The following LCLAT1 variants were observed in gnomAD, a reference collection of about 807,000 sequenced individuals.
The protein encoded by LCLAT1 is lysocardiolipin acyltransferase 1, also known as 1-AGP acyltransferase 8.
A neutral mutation model predicts 30.7 loss-of-function variants in LCLAT1; 11 were observed. The observed-to-expected ratio is 0.36, with a 90% CI of 0.23 to 0.59. LCLAT1 has a LOEUF of 0.59. Among genes scored for constraint, LCLAT1 ranks in the 20% least tolerant of loss-of-function variants. LCLAT1 has a pLI of 0.77. For synonymous variants in LCLAT1, 155 were observed against 151.3 expected (o/e 1.02, Z -0.18); for missense variants, 402 against 458.6 (o/e 0.88, Z 1.13).
chr2:30,588,801 T>G (rs1165640805), intron 5 of LCLAT1, among the ~76,000 whole-genome samples: 1 of 152,142 alleles, frequency 6.6e-6, no homozygotes, highest in Non-Finnish European at 1.5e-5. Flanking sequence ...GGTTTCTTCA[T>G]GCTGGTCAGG....
chr2:30,524,507 T>C lies in LCLAT1; in HGVS notation c.-4-1080T>C, dbSNP rs80112125. ...ACAGTCAACTGTGGTTTGAATGTTA[T>C]ATGGAAAATTCCAGAAATAAACAAC... On this transcript the variant is annotated intron_variant, in intron 1 of 5. Coordinates refer to ENST00000379509, the MANE Select transcript of LCLAT1 (RefSeq NM_001002257.3). 7.8e-3 allele frequency among the ~76,000 whole-genome samples: 1,191 copies of C among 152,352 alleles called. 13 individuals are homozygous for C. The highest frequency in any genetic ancestry group is 0.026 in the African/African-American group (1,095 of 41,578).
At chr2:30,584,982 C>G (rs1428438362) in intron 5 of LCLAT1, among the ~76,000 whole-genome samples, 1 of 147,950 alleles carries the variant, frequency 6.8e-6, no homozygotes, top group Non-Finnish European at 1.5e-5. Context: ...CTAGGCTTAC[C>G]TAAAGGACAT....
intron 5 of LCLAT1, among the ~76,000 whole-genome samples, chr2:30,595,429 C>T (rs1233692782): frequency 6.6e-6 from 1 of 152,110 alleles, no homozygotes; most frequent in African/African-American, 2.4e-5. Context: ...ATGCCTCCAC[C>T]ATATTCCTAT....
At chr2:30,594,780 T>C (rs1465426805) in intron 5 of LCLAT1, among the ~76,000 whole-genome samples, 1 of 152,212 alleles carries the variant, frequency 6.6e-6, no homozygotes, top group African/African-American at 2.4e-5. Context: ...AATACTTCTC[T>C]AGGAAACAAC....
chr2:30,500,675 GT>G (rs1419786427), intron 1 of LCLAT1, among the ~76,000 whole-genome samples: 1 of 152,164 alleles, frequency 6.6e-6, no homozygotes, highest in Non-Finnish European at 1.5e-5. Context: ...CCTTTGCTAT[GT>G]GAAGAACCGA....
intron 1 of LCLAT1, among the ~76,000 whole-genome samples, chr2:30,513,027 T>G (rs886366161): frequency 6.6e-6 from 1 of 152,170 alleles, no homozygotes; most frequent in Admixed American, 6.5e-5. Flanking sequence ...TGGTACTTAA[T>G]TTACAGTCTT....
intron 5 of LCLAT1, among the ~76,000 whole-genome samples, chr2:30,622,766 A>C (rs1166082298): frequency 3.9e-5 from 6 of 152,264 alleles, no homozygotes; most frequent in Non-Finnish European, 8.8e-5. Flanking sequence ...AGAGCACCAC[A>C]TCAAGGGAGC....
chr2:30,469,257 A>ATT (rs145122614), intron 1 of LCLAT1, among the ~76,000 whole-genome samples: 1 of 148,016 alleles, frequency 6.8e-6, no homozygotes, highest in Non-Finnish European at 1.5e-5. Context: ...AGTCCAGTTG[A>ATT]TTTTTTTTTT....
chr2:30,568,808 A>G (rs1344358713), intron 5 of LCLAT1, among the ~76,000 whole-genome samples: 1 of 139,660 alleles, frequency 7.2e-6, no homozygotes, highest in Non-Finnish European at 1.5e-5. Flanking sequence ...CGCCCGGCCA[A>G]AAATGTCTTA....
intron 1 of LCLAT1, chr2:30,476,549 A>T (rs1210098113): frequency 6.6e-6 from 3 of 455,458 alleles, no homozygotes; most frequent in African/African-American, 4.0e-5. Flanking sequence ...ATGCCTGATG[A>T]TCTGTCACTG....
intron 5 of LCLAT1, among the ~76,000 whole-genome samples, chr2:30,610,163 T>G (rs186850225): frequency 6.6e-6 from 1 of 152,228 alleles, no homozygotes; most frequent in Admixed American, 6.5e-5. Context: ...GTTTACTAAT[T>G]TTTTCGTTCC....
At chr2:30,543,298 C>T (rs1664242664) in intron 3 of LCLAT1, among the ~76,000 whole-genome samples, 1 of 152,098 alleles carries the variant, frequency 6.6e-6, no homozygotes, top group Non-Finnish European at 1.5e-5. Flanking sequence ...ACTAACCTTA[C>T]ATTTCTAGGA....
chr2:30,576,929 T>A (rs1299023516), intron 5 of LCLAT1, among the ~76,000 whole-genome samples: 3 of 151,912 alleles, frequency 2.0e-5, no homozygotes, highest in Non-Finnish European at 2.9e-5. Context: ...GGAGTATATG[T>A]GTGTACACAT....
intron 5 of LCLAT1, among the ~76,000 whole-genome samples, chr2:30,615,718 A>T (rs1667964507): frequency 6.6e-6 from 1 of 152,220 alleles, no homozygotes; most frequent in Non-Finnish European, 1.5e-5. Context: ...AGTGAAAGGA[A>T]ATAAAGCCTT....
At chr2:30,580,762 G>C (rs1666179078) in intron 5 of LCLAT1, among the ~76,000 whole-genome samples, 1 of 152,146 alleles carries the variant, frequency 6.6e-6, no homozygotes, top group Non-Finnish European at 1.5e-5. Flanking sequence ...TGTAAGGCAG[G>C]AGGCAAGGTT....
intron 1 of LCLAT1, among the ~76,000 whole-genome samples, chr2:30,516,625 T>A (rs1432925661): frequency 6.6e-6 from 1 of 152,078 alleles, no homozygotes; most frequent in Middle Eastern, 3.2e-3. Context: ...GAACCCCAGG[T>A]CAGAGAGCAA....
At chr2:30,631,934 T>G (rs1270500396) in intron 5 of LCLAT1, among the ~76,000 whole-genome samples, 1 of 152,210 alleles carries the variant, frequency 6.6e-6, no homozygotes, top group Non-Finnish European at 1.5e-5. Flanking sequence ...GATCTATTAA[T>G]GTGTTAAAGT....
intron 3 of LCLAT1, among the ~76,000 whole-genome samples, chr2:30,551,011 C>T (rs192270513): frequency 1.3e-5 from 2 of 152,244 alleles, no homozygotes; most frequent in Admixed American, 1.3e-4. Flanking sequence ...CAGGGTCTTG[C>T]TCTGTCATCC....
intron 5 of LCLAT1, among the ~76,000 whole-genome samples, chr2:30,584,068 C>T (rs1201544943): frequency 6.6e-6 from 1 of 152,050 alleles, no homozygotes; most frequent in Non-Finnish European, 1.5e-5. Context: ...TGTTCCCCTC[C>T]CTGTGTCCAT....
Sources: gnomAD v4.1 joint callset for allele counts (sites outside exome capture counted in the v4.1 genomes callset) on GRCh38, gnomAD v4.1.1 for gene constraint, MANE v1.5 for transcripts, NCBI Gene and HGNC (gene_info 2026-07-23, HGNC 2026-07-21) for gene names.